Variants in TMEM132D observed in about 807,000 individuals in gnomAD.
TMEM132D encodes transmembrane protein 132D.
TMEM132D carries 21 observed loss-of-function variants against 62.3 expected under a neutral mutation model. The observed-to-expected ratio is 0.34, with a 90% CI of 0.24 to 0.49. The LOEUF (loss-of-function observed/expected upper bound fraction) is 0.49, where lower values mean the gene tolerates loss of function less well. Ranked by LOEUF, TMEM132D falls within the 20% of genes least tolerant of loss-of-function variation. The pLI is 0.99. For synonymous variants in TMEM132D, 621 were observed against 575.6 expected (o/e 1.08, Z -1.13); for missense variants, 1,346 against 1,402.8 (o/e 0.96, Z 0.65).
chr12:129,171,947 C>T (rs147027532), intron 5 of TMEM132D, among the ~76,000 whole-genome samples: 18 of 152,310 alleles, frequency 1.2e-4, no homozygotes, highest in African/African-American at 4.1e-4. Context: ...TACTCCCTGA[C>T]AAGACAGTCA....
intron 5 of TMEM132D, among the ~76,000 whole-genome samples, chr12:129,143,410 A>G (rs756712674): frequency 4.6e-5 from 7 of 152,214 alleles, no homozygotes; most frequent in Non-Finnish European, 1.5e-5. Flanking sequence ...GTGTTCTGTG[A>G]CCAGGAAGCT....
intron 3 of TMEM132D, among the ~76,000 whole-genome samples, chr12:129,363,171 C>A (rs1237623219): frequency 6.6e-6 from 1 of 152,196 alleles, no homozygotes; most frequent in Non-Finnish European, 1.5e-5. Context: ...TGACAAGCGT[C>A]TTTGGTGTCT....
intron 5 of TMEM132D, among the ~76,000 whole-genome samples, chr12:129,142,017 A>G (rs1321692639): frequency 6.7e-6 from 1 of 148,342 alleles, no homozygotes; most frequent in African/African-American, 2.4e-5. Context: ...ATATATAAAT[A>G]TATATATTTT....
chr12:129,258,669 A>T (rs1175398488), intron 4 of TMEM132D, among the ~76,000 whole-genome samples: 1 of 152,232 alleles, frequency 6.6e-6, no homozygotes, highest in Non-Finnish European at 1.5e-5. Flanking sequence ...CTTTGCATGC[A>T]GTCTTTTGTT....
At chr12:129,179,647 G>A (rs1878010016) in intron 5 of TMEM132D, among the ~76,000 whole-genome samples, 1 of 152,184 alleles carries the variant, frequency 6.6e-6, no homozygotes, top group African/African-American at 2.4e-5. Flanking sequence ...AGTGCTCACA[G>A]AGAAACTTGG....
intron 4 of TMEM132D, among the ~76,000 whole-genome samples, chr12:129,239,131 A>G (rs1412158098): frequency 6.6e-6 from 1 of 151,804 alleles, no homozygotes; most frequent in Non-Finnish European, 1.5e-5. Context: ...CCATTTGCAC[A>G]TCTTCTTTGG....
At chr12:129,777,708 T>C (rs1870984831) in intron 1 of TMEM132D, among the ~76,000 whole-genome samples, 2 of 152,194 alleles carry the variant, frequency 1.3e-5, no homozygotes, top group Admixed American at 6.5e-5. Flanking sequence ...TTTCTTATCA[T>C]ATACCAACTT....
At chr12:129,128,701 G>A (rs1035035433) in intron 5 of TMEM132D, among the ~76,000 whole-genome samples, 1 of 152,068 alleles carries the variant, frequency 6.6e-6, no homozygotes, top group Non-Finnish European at 1.5e-5. Flanking sequence ...TGACTCAAAC[G>A]GTGAACGCTG....
intron 3 of TMEM132D, among the ~76,000 whole-genome samples, chr12:129,503,714 A>T (rs558759317): frequency 6.6e-6 from 1 of 152,316 alleles, no homozygotes; most frequent in East Asian, 1.9e-4. Context: ...GATGGAGTTT[A>T]AACACAGGTT....
chr12:129,859,010 G>T lies in TMEM132D; in HGVS notation c.79+44251C>A, dbSNP rs181990349. 3.4e-3 allele frequency among the ~76,000 whole-genome samples: 478 copies of T among 142,482 alleles called. 43 individuals are homozygous for T. The highest frequency in any genetic ancestry group is 0.012 in the African/African-American group (457 of 37,924). 93.5% of individuals were successfully genotyped at this position (142,482 alleles called of 152,430 possible). A position where few individuals can be genotyped will look rare whatever the true frequency, so the allele number is the denominator to read the frequency against. On this transcript the variant is annotated intron_variant, in intron 1 of 8. Transcript: ENST00000422113. Reference sequence around the variant, plus strand: ...CCTTGGAGTCCGGGGGAACGGGATGGGTGCCCTAGTAACGGAGTCCGGGGG... The same window carrying T: ...CCTTGGAGTCCGGGGGAACGGGATGTGTGCCCTAGTAACGGAGTCCGGGGG...
chr12:129,390,261 C>A (rs1026551473), intron 3 of TMEM132D, among the ~76,000 whole-genome samples: 2 of 152,190 alleles, frequency 1.3e-5, no homozygotes, highest in African/African-American at 4.8e-5. Context: ...CACTGCTCCA[C>A]CCTTCCATTT....
chr12:129,836,861 T>C (rs961157327), intron 1 of TMEM132D, among the ~76,000 whole-genome samples: 4 of 152,196 alleles, frequency 2.6e-5, no homozygotes, highest in African/African-American at 9.7e-5. Flanking sequence ...ACTTAAAGAT[T>C]TGGACAGCTT....
chr12:129,140,445 G>A (rs900553686), intron 5 of TMEM132D, among the ~76,000 whole-genome samples: 3 of 151,986 alleles, frequency 2.0e-5, no homozygotes, highest in Non-Finnish European at 4.4e-5. Flanking sequence ...GCAACTACTC[G>A]TTTGCTGTCA....
intron 1 of TMEM132D, among the ~76,000 whole-genome samples, chr12:129,842,691 A>G (rs1175127190): frequency 6.6e-6 from 1 of 151,076 alleles, no homozygotes; most frequent in East Asian, 2.0e-4. Context: ...CGGGTCTAGA[A>G]CTCCTGGGCT....
chr12:129,615,584 CAA>C (rs544023097), intron 2 of TMEM132D, among the ~76,000 whole-genome samples: 15 of 74,028 alleles, frequency 2.0e-4, no homozygotes, highest in Non-Finnish European at 2.5e-4. Context: ...GACCCCATCT[CAA>C]AAAAAAAAAA....
chr12:129,825,462 A>T (rs1872639908), intron 1 of TMEM132D, among the ~76,000 whole-genome samples: 1 of 152,132 alleles, frequency 6.6e-6, no homozygotes, highest in Non-Finnish European at 1.5e-5. Flanking sequence ...TAATAGGGTT[A>T]CTGGCGAGAG....
intron 3 of TMEM132D, among the ~76,000 whole-genome samples, chr12:129,440,800 C>A (rs375968200): frequency 6.6e-6 from 1 of 152,172 alleles, no homozygotes; most frequent in Non-Finnish European, 1.5e-5. Flanking sequence ...AGGCTTGAAG[C>A]CTGGGTTGGC....
rs555281255 is a variant in TMEM132D, at chr12:129,148,923, C to G, written c.1443+60597G>C. Among the ~76,000 whole-genome samples the G allele has an allele frequency of 5.3e-5, 8 of 152,188 alleles. No individual in the cohort carries two copies. In the South Asian group the frequency reaches 1.7e-3, roughly 32 times the overall value. Reference sequence around the variant, plus strand: ...TCTGCCTAAACAGCCCCGGATGGCGCTGGCTCCTTTCTTGTAGGAAGGGAG... The same window carrying G: ...TCTGCCTAAACAGCCCCGGATGGCGGTGGCTCCTTTCTTGTAGGAAGGGAG... On this transcript the variant is annotated intron_variant, in intron 5 of 8. Transcript: ENST00000422113.
intron 1 of TMEM132D, among the ~76,000 whole-genome samples, chr12:129,806,515 G>A (rs895604349): frequency 2.2e-5 from 3 of 134,532 alleles, no homozygotes; most frequent in African/African-American, 5.6e-5. Context: ...GACACAGGAA[G>A]AGGAACATCA....
Sources: gnomAD v4.1 joint callset for allele counts (sites outside exome capture counted in the v4.1 genomes callset) on GRCh38, gnomAD v4.1.1 for gene constraint, MANE v1.5 for transcripts, NCBI Gene and HGNC (gene_info 2026-07-23, HGNC 2026-07-21) for gene names.